Variants in NVL observed in about 807,000 individuals in gnomAD.
NVL encodes nuclear VCP like.
Under a neutral mutation model 110.2 loss-of-function variants are expected in NVL, and 84 were observed. The ratio of observed to expected loss-of-function variants is 0.76; its 90% confidence interval spans 0.64 to 0.91. NVL has a LOEUF of 0.91. Among genes scored for constraint, NVL ranks in the 40% least tolerant of loss-of-function variants. NVL has a pLI of 0.00. For synonymous variants in NVL, 354 were observed against 361.1 expected (o/e 0.98, Z 0.22); for missense variants, 882 against 1,035.9 (o/e 0.85, Z 2.04).
chr1:224,271,656 T>TGA (rs1274820497), intron 17 of NVL, among the ~76,000 whole-genome samples: 2 of 152,166 alleles, frequency 1.3e-5, no homozygotes, highest in East Asian at 3.8e-4. Flanking sequence ...TTACTCTCTT[T>TGA]ATACTTGTGT....
At chr1:224,254,563 G>GTT (rs71572893) in intron 18 of NVL, among the ~76,000 whole-genome samples, 5 of 36,748 alleles carry the variant, frequency 1.4e-4, no homozygotes, top group Admixed American at 7.9e-4. Context: ...CGGCTAATTT[G>GTT]TTTTTTTTGT....
In NVL at chr1:224,321,395, T is replaced by A. The variant is rs144815170; in HGVS notation, c.132-3465A>T. On this transcript the variant is annotated intron_variant, in intron 2 of 22. Coordinates refer to ENST00000281701, the MANE Select transcript of NVL (RefSeq NM_002533.4). ...TTGCCAACACCTGGATAAGAGAAGA[T>A]GGCAGATGGATGTAGGCAGAATGTT... 1.7e-3 allele frequency among the ~76,000 whole-genome samples: 263 copies of A among 152,202 alleles called. 8 individuals carry two copies. In the East Asian group the frequency reaches 0.043, roughly 25 times the overall value.
At chr1:224,239,446 A>G (rs1241253133) in intron 19 of NVL, among the ~76,000 whole-genome samples, 1 of 152,258 alleles carries the variant, frequency 6.6e-6, no homozygotes, top group African/African-American at 2.4e-5. Context: ...CTTTCTTGCT[A>G]TGGTGGTGGG....
At chr1:224,235,581 ACT>A (rs1324414760) in intron 20 of NVL, among the ~76,000 whole-genome samples, 1 of 151,680 alleles carries the variant, frequency 6.6e-6, no homozygotes, top group African/African-American at 2.4e-5. Flanking sequence ...CCTGCCTGAG[ACT>A]CTGATCAGTT....
intron 19 of NVL, among the ~76,000 whole-genome samples, chr1:224,246,773 C>T (rs920543791): frequency 6.6e-6 from 1 of 152,116 alleles, no homozygotes; most frequent in Admixed American, 6.5e-5. Flanking sequence ...TGGTGGCTCA[C>T]GCCTGTAATC....
At chr1:224,239,523 T>C (rs879293326) in intron 19 of NVL, among the ~76,000 whole-genome samples, 3 of 152,186 alleles carry the variant, frequency 2.0e-5, no homozygotes, top group African/African-American at 2.4e-5. Context: ...TCAACTTACC[T>C]CGACTGTCAC....
chr1:224,311,485 C>T (rs1482300040), intron 5 of NVL, among the ~76,000 whole-genome samples: 1 of 152,234 alleles, frequency 6.6e-6, no homozygotes, highest in Non-Finnish European at 1.5e-5. Flanking sequence ...TCTCCCACCT[C>T]AGCCCCCCAA....
chr1:224,284,104 G>A (rs1022406565), intron 15 of NVL, among the ~76,000 whole-genome samples: 1 of 151,998 alleles, frequency 6.6e-6, no homozygotes, highest in Non-Finnish European at 1.5e-5. Flanking sequence ...TTTACACATA[G>A]GGAAGACAGT....
chr1:224,281,246 A>G, intron 15 of NVL, 61 bp from the exon 16 acceptor site: 1 of 1,308,020 alleles, frequency 7.6e-7, no homozygotes, highest in East Asian at 2.3e-5. Context: ...TAACAATAAT[A>G]ATGATGATGA....
intron 18 of NVL, among the ~76,000 whole-genome samples, chr1:224,262,658 G>GAAAC (rs1397411577): frequency 1.3e-5 from 2 of 152,200 alleles, no homozygotes; most frequent in South Asian, 2.1e-4. Context: ...GAGGTCTCCA[G>GAAAC]AAACAAACAA....
intron 18 of NVL, among the ~76,000 whole-genome samples, chr1:224,266,058 T>C (rs1664470475): frequency 6.6e-6 from 1 of 152,218 alleles, no homozygotes; most frequent in African/African-American, 2.4e-5. Context: ...ATTAAACAGA[T>C]AATAATTTTA....
At chr1:224,302,500 G>A (rs530259239) in intron 9 of NVL, among the ~76,000 whole-genome samples, 6 of 151,962 alleles carry the variant, frequency 3.9e-5, no homozygotes, top group South Asian at 2.1e-4. Context: ...TGCGCCCGGC[G>A]AGCATGCTAT....
chr1:224,266,994 CT>C (rs1475674152), intron 18 of NVL, among the ~76,000 whole-genome samples: 3 of 152,198 alleles, frequency 2.0e-5, no homozygotes, highest in Non-Finnish European at 4.4e-5. Context: ...TATAACTGGT[CT>C]TTGCCCACCT....
chr1:224,227,784 T>C (rs1659350090), intron 22 of NVL, 114 bp from the exon 23 acceptor site: 2 of 872,980 alleles, frequency 2.3e-6, no homozygotes, highest in Admixed American at 4.7e-5. Context: ...CAGAATGTGA[T>C]TGTAACTGGA....
At chr1:224,238,326 C>T (rs1055534174) in intron 19 of NVL, among the ~76,000 whole-genome samples, 2 of 152,182 alleles carry the variant, frequency 1.3e-5, no homozygotes, top group Non-Finnish European at 2.9e-5. Flanking sequence ...GGCCACAGCA[C>T]CTGCCCAGTA....
chr1:224,255,504 G>GTT (rs1663116242), intron 18 of NVL, among the ~76,000 whole-genome samples: 1 of 152,136 alleles, frequency 6.6e-6, no homozygotes, highest in Non-Finnish European at 1.5e-5. Flanking sequence ...AAATGGTGTA[G>GTT]TTTTTAATCC....
chr1:224,321,663 GGA>G (rs757825390), intron 2 of NVL, among the ~76,000 whole-genome samples: 19 of 151,832 alleles, frequency 1.3e-4, no homozygotes, highest in Non-Finnish European at 2.5e-4. Flanking sequence ...GGCTGAGGCA[GGA>G]GAGTCACTTG....
At chr1:224,230,427 AC>A (rs1659743842) in intron 22 of NVL, among the ~76,000 whole-genome samples, 1 of 152,002 alleles carries the variant, frequency 6.6e-6, no homozygotes, top group Non-Finnish European at 1.5e-5. Context: ...ATATGGTGAA[AC>A]CCTGTCTCTA....
At chr1:224,330,027 G>A in intron 1 of NVL, 44 bp downstream of exon 1, 1 of 1,600,402 alleles carries the variant, frequency 6.2e-7, no homozygotes, top group Non-Finnish European at 8.6e-7. Flanking sequence ...CCCTGGGGCA[G>A]CGATCGGGGC....
Sources: gnomAD v4.1 joint callset for allele counts (sites outside exome capture counted in the v4.1 genomes callset) on GRCh38, gnomAD v4.1.1 for gene constraint, MANE v1.5 for transcripts, NCBI Gene and HGNC (gene_info 2026-07-23, HGNC 2026-07-21) for gene names.